Variants in TEX11 observed in about 807,000 individuals in gnomAD.
TEX11 encodes the protein testis expressed 11, also known as testis-expressed protein 11.
A neutral mutation model predicts 84.4 loss-of-function variants in TEX11; 7 were observed. The observed-to-expected ratio is 0.08, with a 90% CI of 0.05 to 0.16. The LOEUF (loss-of-function observed/expected upper bound fraction) is 0.16, where lower values mean the gene tolerates loss of function less well. Among genes scored for constraint, TEX11 ranks in the 10% least tolerant of loss-of-function variants. The pLI, the probability that TEX11 is intolerant of heterozygous loss-of-function variation, is 1.00. For missense variants in TEX11, 551 were observed against 660.5 expected, an observed-to-expected ratio of 0.83 and a Z score of 1.82; for synonymous variants, 264 against 222.8, an observed-to-expected ratio of 1.18 and a Z score of -1.64.
Position 70,782,654 on chromosome X carries a change from A to AAC in TEX11, c.692+24050_692+24051insGT, listed in dbSNP as rs1004212632. Among the ~76,000 whole-genome samples the AAC allele has an allele frequency of 8.8e-5, 9 of 102,391 alleles. 1 individual carries two copies. Among genetic ancestry groups the AAC allele is most frequent in the Admixed American group, 1.1e-4 (1 of 9,228 alleles). The allele number at this position is 102,391 out of a possible 115,157, so 88.9% of individuals were successfully genotyped here. On this transcript the variant is annotated intron_variant, in intron 9 of 29. Transcript: ENST00000374333. ...CCAAGCAAATGGAAAGCAAAAAAAA[A>AAC]AAAAAAAAAAAACAGGGGTTGCAAT...
At chrX:70,794,422 G>A (rs73222710) in intron 9 of TEX11, among the ~76,000 whole-genome samples, 1,957 of 110,950 alleles carry the variant, frequency 0.018, 19 homozygotes, top group Non-Finnish European at 0.027. Context: ...AGGCAGTCTA[G>A]GCCACAAGGC....
rs1174769953 is a variant in TEX11 at position 70,874,273 on chromosome X, T to C, written c.160-966A>G. 6.3e-5 allele frequency among the ~76,000 whole-genome samples: 7 copies of C among 110,639 alleles called. No individual in the cohort carries two copies. In the East Asian group the frequency reaches 1.4e-3, roughly 22 times the overall value. ...TACCCAGCCTCAGGTATTTCCTTTA[T>C]AGCAATGCAAACAGCCTAATGCAGC... On this transcript the variant is annotated intron_variant, in intron 3 of 29. Coordinates refer to ENST00000374333, the MANE Select transcript of TEX11 (RefSeq NM_031276.3).
At chrX:70,598,697 A>T (rs1439168027) in intron 24 of TEX11, among the ~76,000 whole-genome samples, 2 of 112,476 alleles carry the variant, frequency 1.8e-5, no homozygotes, top group Non-Finnish European at 3.8e-5. Flanking sequence ...AAAAGAAATG[A>T]AACACTGATA....
At chrX:70,586,722 T>A (rs772075759) in intron 25 of TEX11, among the ~76,000 whole-genome samples, 1 of 111,832 alleles carries the variant, frequency 8.9e-6, no homozygotes, top group East Asian at 2.8e-4. Flanking sequence ...CTGGTGGGAA[T>A]GTAAAATGGC....
At chrX:70,831,135 A>G (rs2091374813) in intron 8 of TEX11, among the ~76,000 whole-genome samples, 1 of 112,003 alleles carries the variant, frequency 8.9e-6, no homozygotes, top group Admixed American at 9.5e-5. Flanking sequence ...GCCATAAAAA[A>G]GAAGGAAATC....
Position 70,901,100 on chromosome X carries a change from C to T in TEX11, c.37+6653G>A, listed in dbSNP as rs1408017741. Among the ~76,000 whole-genome samples the T allele has an allele frequency of 6.3e-5, 7 of 111,138 alleles. No homozygotes were observed. In the East Asian group the frequency reaches 2.0e-3, roughly 31 times the overall value. Reference sequence around the variant, plus strand: ...AGGAATGGTGGCGCATGCCTATATTCCCTCAGGAAACTGAGGCGGGAGGAT... The same window carrying T: ...AGGAATGGTGGCGCATGCCTATATTTCCTCAGGAAACTGAGGCGGGAGGAT... On this transcript the variant is annotated intron_variant, in intron 2 of 29. Coordinates refer to ENST00000374333, the MANE Select transcript of TEX11 (RefSeq NM_031276.3).
the TEX11 span, among the ~76,000 whole-genome samples, chrX:70,518,089 G>T: frequency 9.2e-6 from 1 of 109,116 alleles, no homozygotes; most frequent in African/African-American, 3.3e-5. Context: ...TGGACTTATT[G>T]ATTTTTTGAA....
At chrX:70,822,040 C>T (rs990883298) in intron 8 of TEX11, among the ~76,000 whole-genome samples, 2 of 111,032 alleles carry the variant, frequency 1.8e-5, no homozygotes, top group Non-Finnish European at 3.8e-5. Flanking sequence ...AAACATCCTC[C>T]TATATACTTT....
intron 11 of TEX11, among the ~76,000 whole-genome samples, chrX:70,732,120 C>A (rs1166616903): frequency 3.6e-5 from 4 of 111,596 alleles, no homozygotes; most frequent in Non-Finnish European, 7.5e-5. Context: ...ATGCTAAAAA[C>A]TCTGAATAAA....
chrX:70,849,787 A>G lies in TEX11; in HGVS notation c.525+3247T>C, dbSNP rs2091497838. 3.6e-5 allele frequency among the ~76,000 whole-genome samples: 4 copies of G among 112,189 alleles called. No homozygotes were observed. The Admixed American group carries it at 3.8e-4, about 11-fold the overall frequency. ...CAAAGTCAAGAATTATATAGTTCTC[A>G]TTACTGATTATAACAACTAACACTT... On this transcript the variant is annotated intron_variant, in intron 7 of 29. Coordinates refer to ENST00000374333, the MANE Select transcript of TEX11 (RefSeq NM_031276.3).
rs778465770 is a variant in TEX11, at chrX:70,670,392, C to T, written c.1365G>A (p.Leu455=). 14 of 1,204,919 alleles carry T rather than the reference C, an allele frequency of 1.2e-5. No individual in the cohort carries two copies. The African/African-American group carries it at 2.5e-4, about 21-fold the overall frequency. The part of the protein sequence containing the change: ...QRNMACCYLN[L]QQLDKAKEAV... Reference sequence around the variant, plus strand: ...ATCAAAGGACCTTATCAAGTTGTTGCAAATTCAGGTAACAGCAAGCCATGT... The same window carrying T: ...ATCAAAGGACCTTATCAAGTTGTTGTAAATTCAGGTAACAGCAAGCCATGT... The change falls in exon 16 of 30, where the codon TTG becomes TTA. Residue 455 remains leucine, a synonymous_variant. Transcript: ENST00000374333.
At chrX:70,816,090 C>A (rs1471645102) in intron 8 of TEX11, among the ~76,000 whole-genome samples, 3 of 110,618 alleles carry the variant, frequency 2.7e-5, no homozygotes, top group Non-Finnish European at 5.7e-5. Context: ...CCCACCCTTT[C>A]CCCCTGAGTC....
chrX:70,614,737 C>T (rs1215019295), intron 20 of TEX11, among the ~76,000 whole-genome samples: 1 of 111,369 alleles, frequency 9.0e-6, no homozygotes, highest in African/African-American at 3.3e-5. Flanking sequence ...CAAGTCTGAC[C>T]CAGTGCAGTT....
intron 18 of TEX11, among the ~76,000 whole-genome samples, chrX:70,629,141 C>T (rs1417117273): frequency 1.8e-5 from 2 of 111,687 alleles, no homozygotes; most frequent in Non-Finnish European, 3.8e-5. Flanking sequence ...TATGCTTTTC[C>T]TAATTCAATA....
chrX:70,601,735 A>G (rs2089117315), intron 24 of TEX11, among the ~76,000 whole-genome samples: 2 of 96,109 alleles, frequency 2.1e-5, no homozygotes, highest in African/African-American at 7.7e-5. Context: ...AGTGGTGATG[A>G]CTCTTAACGA....
At chrX:70,835,246 TATAAC>T (rs967653907) in intron 7 of TEX11, among the ~76,000 whole-genome samples, 3 of 112,047 alleles carry the variant, frequency 2.7e-5, no homozygotes, top group African/African-American at 9.7e-5. Context: ...TGTCTGTTCT[TATAAC>T]ATATAAAACA....
At chrX:70,603,967 G>C (rs1210540028) in intron 24 of TEX11, among the ~76,000 whole-genome samples, 1 of 111,914 alleles carries the variant, frequency 8.9e-6, no homozygotes, top group Non-Finnish European at 1.9e-5. Flanking sequence ...GATGATAAAA[G>C]GCAGAAGTGC....
chrX:70,898,337 G>A (rs1187389303), intron 2 of TEX11, among the ~76,000 whole-genome samples: 1 of 112,237 alleles, frequency 8.9e-6, no homozygotes, highest in Non-Finnish European at 1.9e-5. Flanking sequence ...AGGAATAGCA[G>A]GATAAGCTTC....
chrX:70,617,916 T>C (rs1325018050), intron 20 of TEX11, among the ~76,000 whole-genome samples: 1 of 112,298 alleles, frequency 8.9e-6, no homozygotes, highest in Non-Finnish European at 1.9e-5. Flanking sequence ...GCTGCTGGAT[T>C]CTATTGTCAT....
Sources: allele counts gnomAD v4.1 joint callset (sites outside exome capture counted in the v4.1 genomes callset), GRCh38; gene constraint gnomAD v4.1.1; transcripts MANE v1.5; gene names NCBI Gene and HGNC (gene_info 2026-07-23, HGNC 2026-07-21).